Variants in FMNL2 observed in about 807,000 individuals in gnomAD.
FMNL2 encodes the protein formin-like protein 2.
A neutral mutation model predicts 130.2 loss-of-function variants in FMNL2; 51 were observed. The observed-to-expected ratio is 0.39, with a 90% CI of 0.31 to 0.49. The LOEUF (loss-of-function observed/expected upper bound fraction) is 0.49, where lower values mean the gene tolerates loss of function less well. Ranked by LOEUF, FMNL2 falls within the 20% of genes least tolerant of loss-of-function variation. FMNL2 has a pLI of 0.85. For missense variants in FMNL2, 977 were observed against 1,316.2 expected (o/e 0.74, Z 3.99); for synonymous variants, 465 against 467.1 (o/e 1.00, Z 0.06).
At chr2:152,527,228 G>A (rs1693437938) in intron 2 of FMNL2, among the ~76,000 whole-genome samples, 1 of 152,144 alleles carries the variant, frequency 6.6e-6, no homozygotes, top group Non-Finnish European at 1.5e-5. Context: ...TCTTTGTGAA[G>A]AATATCATAG....
At chr2:152,632,811 G>A (rs1429698127) in intron 21 of FMNL2, among the ~76,000 whole-genome samples, 4 of 152,152 alleles carry the variant, frequency 2.6e-5, no homozygotes, top group Admixed American at 6.5e-5. Context: ...AAGCATATTC[G>A]ATTAGCAAAA....
chr2:152,482,502 T>C (rs1048284881), intron 1 of FMNL2, among the ~76,000 whole-genome samples: 2 of 152,150 alleles, frequency 1.3e-5, no homozygotes, highest in African/African-American at 4.8e-5. Flanking sequence ...TCCATGGAAG[T>C]TTACGATCAG....
chr2:152,507,960 A>G (rs778851295), intron 1 of FMNL2, among the ~76,000 whole-genome samples: 10 of 152,186 alleles, frequency 6.6e-5, no homozygotes, highest in Non-Finnish European at 1.3e-4. Context: ...GTTATTTCAG[A>G]GTCATTAAAG....
At chr2:152,561,740 A>T (rs1452062738) in intron 6 of FMNL2, among the ~76,000 whole-genome samples, 1 of 151,144 alleles carries the variant, frequency 6.6e-6, no homozygotes, top group Non-Finnish European at 1.5e-5. Flanking sequence ...TGCCCAGCTA[A>T]TTTTTTTTTG....
chr2:152,443,104 A>G (rs1688138986), intron 1 of FMNL2, among the ~76,000 whole-genome samples: 2 of 152,212 alleles, frequency 1.3e-5, no homozygotes, highest in African/African-American at 4.8e-5. Context: ...GTCCAGAGAT[A>G]CTTATAGACG....
intron 1 of FMNL2, among the ~76,000 whole-genome samples, chr2:152,378,212 G>C (rs1684277581): frequency 6.6e-6 from 1 of 151,980 alleles, no homozygotes. Context: ...CATAGGGACT[G>C]CCTTGCTTTG....
At chr2:152,574,220 G>A (rs369524179) in intron 6 of FMNL2, among the ~76,000 whole-genome samples, 47 of 152,252 alleles carry the variant, frequency 3.1e-4, no homozygotes, top group Non-Finnish European at 6.3e-4. Context: ...GGTGGATCAC[G>A]AGATCAAGAG....
At chr2:152,357,988 G>C (rs1682929730) in intron 1 of FMNL2, among the ~76,000 whole-genome samples, 1 of 152,198 alleles carries the variant, frequency 6.6e-6, no homozygotes, top group Non-Finnish European at 1.5e-5. Flanking sequence ...ACTGGGAGAG[G>C]CAGATCCACC....
intron 1 of FMNL2, among the ~76,000 whole-genome samples, chr2:152,465,919 A>G (rs1689507086): frequency 6.6e-6 from 1 of 152,244 alleles, no homozygotes; most frequent in Non-Finnish European, 1.5e-5. Flanking sequence ...GTGAGAGTTT[A>G]TGACCAGGAC....
chr2:152,549,104 A>G lies in FMNL2; in HGVS notation c.359+7A>G. ...TGAGAACTAACCACATTGGGTAAGTATACCCCTTTAACATCTTAGCTCTAA... is the reference window on the plus strand; with the variant it reads ...TGAGAACTAACCACATTGGGTAAGTGTACCCCTTTAACATCTTAGCTCTAA... On this transcript the variant is annotated splice_region_variant and intron_variant, in intron 4 of 25. Transcript: ENST00000288670. The G allele has an allele frequency of 3.8e-6, 6 of 1,584,302 alleles. No individual in the cohort carries two copies. Among genetic ancestry groups the G allele is most frequent in the Non-Finnish European group, 5.2e-6 (6 of 1,161,770 alleles).
intron 1 of FMNL2, among the ~76,000 whole-genome samples, chr2:152,453,807 C>A (rs888820916): frequency 6.6e-6 from 1 of 152,114 alleles, no homozygotes; most frequent in Non-Finnish European, 1.5e-5. Context: ...AAAGCCAAGG[C>A]GTTAGAGCCT....
chr2:152,608,990 C>A (rs76455253), intron 10 of FMNL2, among the ~76,000 whole-genome samples: 1,554 of 152,288 alleles, frequency 0.01, 12 homozygotes, highest in Non-Finnish European at 0.017. Flanking sequence ...TTGCTTTAGT[C>A]CAAAGATGTC....
chr2:152,347,070 GAC>G (rs1439025472), intron 1 of FMNL2, among the ~76,000 whole-genome samples: 2 of 141,028 alleles, frequency 1.4e-5, no homozygotes, highest in Admixed American at 7.3e-5. Flanking sequence ...CAGTCTGGGT[GAC>G]AGGGCGATAT....
chr2:152,439,945 A>C (rs1296318699), intron 1 of FMNL2, among the ~76,000 whole-genome samples: 2 of 151,622 alleles, frequency 1.3e-5, no homozygotes, highest in South Asian at 2.1e-4. Flanking sequence ...TGGACAGAAA[A>C]GTCAGGACCT....
intron 1 of FMNL2, among the ~76,000 whole-genome samples, chr2:152,475,489 TTTTTGTTTTG>T (rs70974864): frequency 6.6e-6 from 1 of 151,812 alleles, no homozygotes; most frequent in Admixed American, 6.6e-5. Flanking sequence ...TTCATTTTGT[TTTTTGTTTTG>T]TTTTGTTTTG....
chr2:152,511,159 T>C (rs1266117737), intron 1 of FMNL2, among the ~76,000 whole-genome samples: 4 of 152,226 alleles, frequency 2.6e-5, no homozygotes, highest in African/African-American at 9.6e-5. Context: ...TACCATTTTA[T>C]ATTCCCAATA....
chr2:152,514,847 CAG>C (rs1692674833), intron 1 of FMNL2, among the ~76,000 whole-genome samples: 1 of 152,094 alleles, frequency 6.6e-6, no homozygotes, highest in African/African-American at 2.4e-5. Flanking sequence ...AGCGAAATAA[CAG>C]AAAGCAAAAT....
intron 1 of FMNL2, among the ~76,000 whole-genome samples, chr2:152,512,511 T>G (rs1321128189): frequency 1.3e-5 from 2 of 152,274 alleles, no homozygotes; most frequent in East Asian, 3.9e-4. Flanking sequence ...AGATTGGCTC[T>G]CCCACCTAGC....
intron 23 of FMNL2, 115 bp from the exon 24 acceptor site, chr2:152,639,843 C>CGGTGG: frequency 1.2e-6 from 1 of 851,966 alleles, no homozygotes; most frequent in Non-Finnish European, 1.8e-6. Flanking sequence ...TCTTCTCAAC[C>CGGTGG]TTCCATTTAT....
Sources: gnomAD v4.1 joint callset for allele counts (sites outside exome capture counted in the v4.1 genomes callset) on GRCh38, gnomAD v4.1.1 for gene constraint, MANE v1.5 for transcripts, NCBI Gene and HGNC (gene_info 2026-07-23, HGNC 2026-07-21) for gene names.